Variants in TMED8 observed in about 807,000 individuals in gnomAD.
TMED8 encodes the protein protein TMED8.
TMED8 carries 15 observed loss-of-function variants against 32.7 expected under a neutral mutation model. That is an observed-to-expected ratio of 0.46 (90% CI 0.31 to 0.71). The LOEUF (loss-of-function observed/expected upper bound fraction) is 0.71, where lower values mean the gene tolerates loss of function less well. Ranked by LOEUF, TMED8 falls within the 30% of genes least tolerant of loss-of-function variation. The pLI, the probability that TMED8 is intolerant of heterozygous loss-of-function variation, is 0.06. For missense variants in TMED8, 390 were observed against 423.9 expected (o/e 0.92, Z 0.70); for synonymous variants, 147 against 161.4 (o/e 0.91, Z 0.68).
intron 2 of TMED8, 26 bp from the exon 3 acceptor site, chr14:77,346,504 T>C: frequency 6.2e-7 from 1 of 1,613,250 alleles, no homozygotes; most frequent in Non-Finnish European, 8.5e-7. Context: ...AGCATGTTAA[T>C]TCAAGGACTC....
In TMED8 at chr14:77,376,341, T is replaced by C. The variant is rs1418591155; in HGVS notation, c.118+595A>G. On this transcript the variant is annotated intron_variant, in intron 1 of 5. Coordinates refer to ENST00000216468, the MANE Select transcript of TMED8 (RefSeq NM_213601.3). The surrounding 1 kb of genome is among the most constrained non-coding windows in gnomAD (Gnocchi z 4.0). ...TGTTCAAGCAAAAGACCCCAGACAC[T>C]ACCTATTTCAACTCTGCTTTTCATT... Among the ~76,000 whole-genome samples, 1 of 152,236 alleles carries C rather than the reference T, an allele frequency of 6.6e-6. No individual in the cohort carries two copies. The highest frequency in any genetic ancestry group is 2.4e-5 in the African/African-American group (1 of 41,466).
intron 1 of TMED8, among the ~76,000 whole-genome samples, chr14:77,368,667 G>C (rs909594733): frequency 1.3e-5 from 2 of 152,084 alleles, no homozygotes; most frequent in African/African-American, 2.4e-5. Flanking sequence ...AGTAGAGACA[G>C]GGTTTCACCA....
chr14:77,359,798 T>C (rs1893387802), intron 1 of TMED8: 1 of 237,850 alleles, frequency 4.2e-6, no homozygotes, highest in South Asian at 5.0e-5. Flanking sequence ...GTAATTCACA[T>C]TCTGTGGTAC....
intron 1 of TMED8, among the ~76,000 whole-genome samples, chr14:77,358,544 G>A (rs539773339): frequency 3.3e-5 from 5 of 152,236 alleles, no homozygotes; most frequent in East Asian, 1.9e-4. Flanking sequence ...TGATCTGCCC[G>A]CCTCAGCCTC....
intron 1 of TMED8, among the ~76,000 whole-genome samples, chr14:77,366,620 G>T (rs191221912): frequency 2.6e-5 from 4 of 152,284 alleles, no homozygotes; most frequent in African/African-American, 7.2e-5. Flanking sequence ...CCAGAAATCT[G>T]AACTTAATTA....
chr14:77,371,758 GA>G (rs1408650332), intron 1 of TMED8, among the ~76,000 whole-genome samples: 1 of 152,154 alleles, frequency 6.6e-6, no homozygotes, highest in Non-Finnish European at 1.5e-5. Context: ...CTATGCAGAA[GA>G]AAAAGCCAAT....
chr14:77,356,639 T>C (rs1183150967), intron 1 of TMED8, among the ~76,000 whole-genome samples: 2 of 152,184 alleles, frequency 1.3e-5, no homozygotes, highest in Non-Finnish European at 2.9e-5. Flanking sequence ...ACAACAACAT[T>C]ATCACTCCTA....
intron 1 of TMED8, among the ~76,000 whole-genome samples, chr14:77,369,618 C>T (rs889877656): frequency 6.6e-6 from 1 of 152,212 alleles, no homozygotes; most frequent in South Asian, 2.1e-4. Flanking sequence ...CATGTACCCT[C>T]AGGAGACAAA....
intron 3 of TMED8, among the ~76,000 whole-genome samples, chr14:77,345,585 A>T (rs1414095801): frequency 1.3e-5 from 2 of 148,904 alleles, no homozygotes; most frequent in Non-Finnish European, 3.0e-5. Context: ...ACTCGAGCCC[A>T]GGATTTTGAG....
chr14:77,375,819 C>A (rs143941597), intron 1 of TMED8, among the ~76,000 whole-genome samples: 2 of 152,306 alleles, frequency 1.3e-5, no homozygotes, highest in African/African-American at 4.8e-5. Context: ...ATGGTTGAGA[C>A]GAGTATAGTG....
At chr14:77,374,810 T>C (rs1014977656) in intron 1 of TMED8, among the ~76,000 whole-genome samples, 2 of 152,264 alleles carry the variant, frequency 1.3e-5, no homozygotes. Flanking sequence ...ATATAATGTT[T>C]TGAATTGTTA....
At chr14:77,342,215 CAACA>C (rs1892920821) in intron 5 of TMED8, among the ~76,000 whole-genome samples, 1 of 152,272 alleles carries the variant, frequency 6.6e-6, no homozygotes, top group Admixed American at 6.5e-5. Flanking sequence ...AGTACCTACA[CAACA>C]AACAATGTCC....
chr14:77,362,103 GT>G (rs914793349), intron 1 of TMED8, among the ~76,000 whole-genome samples: 3 of 151,550 alleles, frequency 2.0e-5, no homozygotes, highest in African/African-American at 4.8e-5. Flanking sequence ...TTAATTCTAA[GT>G]TTTTTTTGTA....
intron 1 of TMED8, among the ~76,000 whole-genome samples, chr14:77,375,350 A>C (rs528163175): frequency 1.4e-4 from 21 of 152,174 alleles, no homozygotes; most frequent in African/African-American, 5.1e-4. Context: ...AAAAAAACAC[A>C]CTCATCTATC....
intron 1 of TMED8, among the ~76,000 whole-genome samples, chr14:77,355,577 G>A (rs1345867592): frequency 1.3e-5 from 2 of 152,108 alleles, no homozygotes; most frequent in Admixed American, 6.5e-5. Context: ...TATCCCATAC[G>A]TTGTCCCACC....
At position 77,343,367 on chromosome 14, in the gene TMED8, C is replaced by A; in HGVS notation, c.571G>T (p.Val191Leu). 1 of 1,614,168 alleles carries A rather than the reference C, an allele frequency of 6.2e-7. No homozygotes were observed. The highest frequency in any genetic ancestry group is 8.5e-7 in the Non-Finnish European group (1 of 1,180,026). Residue 191 changes from valine to leucine, a missense_variant, in exon 5 of 6, where the codon GTG becomes TTG. Physicochemically the swap from Val to Leu is conservative, Grantham distance 32. Coordinates refer to ENST00000216468, the MANE Select transcript of TMED8 (RefSeq NM_213601.3). The part of the protein sequence containing the change: ...SRLVVKRGEV[V>L]TIRVPTHPEG... ...GGATGAGTAGGTACCCGGATGGTCA[C>A]CACCTCACCACGCTTCACCACCAGA...
rs758836556 is a variant in TMED8 at position 77,343,349 on chromosome 14, T to TA, written c.588dup (p.Thr197TyrfsTer16). On this transcript the variant is annotated frameshift_variant, in exon 5 of 6. Coordinates refer to ENST00000216468, the MANE Select transcript of TMED8 (RefSeq NM_213601.3). LOFTEE classifies it high-confidence loss of function. Reference sequence around the variant, plus strand: ...CAGACACGCTTCCCCTCTGGATGAGTAGGTACCCGGATGGTCACCACCTCA... The same window carrying TA: ...CAGACACGCTTCCCCTCTGGATGAGTAAGGTACCCGGATGGTCACCACCTCA... The TA allele has an allele frequency of 1.1e-5, 17 of 1,613,846 alleles. No individual in the cohort carries two copies. The highest frequency in any genetic ancestry group is 1.7e-6 in the Non-Finnish European group (2 of 1,180,002).
At position 77,370,084 on chromosome 14, in the gene TMED8, A is replaced by G. The variant is rs1222110897; in HGVS notation, c.118+6852T>C. On this transcript the variant is annotated intron_variant, in intron 1 of 5. Coordinates refer to ENST00000216468, the MANE Select transcript of TMED8 (RefSeq NM_213601.3). ...CTACTCGGGAGGCTGAGGCAGGAGA[A>G]TCGCTTGAACCCAGAAGGCGGAGGT... Among the ~76,000 whole-genome samples the G allele has an allele frequency of 2.0e-5, 3 of 152,066 alleles. No individual in the cohort carries two copies. The East Asian group carries it at 5.8e-4, about 30-fold the overall frequency.
chr14:77,356,196 G>A (rs1212706337), intron 1 of TMED8, among the ~76,000 whole-genome samples: 1 of 152,008 alleles, frequency 6.6e-6, no homozygotes, highest in African/African-American at 2.4e-5. Flanking sequence ...ATGAAAGATT[G>A]CATGAAAAGA....
Sources: gnomAD v4.1 joint callset for allele counts (sites outside exome capture counted in the v4.1 genomes callset) on GRCh38, gnomAD v4.1.1 for gene constraint, Gnocchi (gnomAD v3.1) non-coding constraint, MANE v1.5 for transcripts, NCBI Gene and HGNC (gene_info 2026-07-23, HGNC 2026-07-21) for gene names.